Variants in KCNJ3 observed in about 807,000 individuals in gnomAD.
The protein encoded by KCNJ3 is potassium inwardly rectifying channel subfamily J member 3.
KCNJ3 carries 4 observed loss-of-function variants against 39.2 expected under a neutral mutation model. The observed-to-expected ratio is 0.10, with a 90% CI of 0.05 to 0.23. KCNJ3 has a LOEUF of 0.23. Ranked by LOEUF, KCNJ3 falls within the 10% of genes least tolerant of loss-of-function variation. The pLI, the probability that KCNJ3 is intolerant of heterozygous loss-of-function variation, is 1.00. For missense variants in KCNJ3, 276 were observed against 634.9 expected, an observed-to-expected ratio of 0.43 and a Z score of 6.08; for synonymous variants, 230 against 237.4, an observed-to-expected ratio of 0.97 and a Z score of 0.29.
intron 1 of KCNJ3, among the ~76,000 whole-genome samples, chr2:154,701,621 G>T (rs1277798993): frequency 1.3e-5 from 2 of 152,034 alleles, no homozygotes; most frequent in Non-Finnish European, 2.9e-5. Context: ...GATGAAAGAT[G>T]TATAGTGTCG....
intron 2 of KCNJ3, among the ~76,000 whole-genome samples, chr2:154,732,068 A>G (rs1685457433): frequency 6.6e-6 from 1 of 152,106 alleles, no homozygotes; most frequent in African/African-American, 2.4e-5. Context: ...CTTGCCTCTT[A>G]TAAGTCGAAG....
At chr2:154,848,248 A>T (rs1427353579) in intron 2 of KCNJ3, among the ~76,000 whole-genome samples, 1 of 152,150 alleles carries the variant, frequency 6.6e-6, no homozygotes, top group Non-Finnish European at 1.5e-5. Context: ...TGAGTTCTGG[A>T]CTTAGCTTTG....
intron 2 of KCNJ3, among the ~76,000 whole-genome samples, chr2:154,826,923 T>C (rs1687282126): frequency 1.3e-5 from 2 of 152,206 alleles, no homozygotes; most frequent in Admixed American, 6.5e-5. Context: ...ACTAAGTGTG[T>C]ATAATTTGTA....
At chr2:154,747,253 C>T (rs763805001) in intron 2 of KCNJ3, among the ~76,000 whole-genome samples, 11 of 151,708 alleles carry the variant, frequency 7.3e-5, no homozygotes, top group Non-Finnish European at 1.5e-4. Flanking sequence ...TCCTTTTACT[C>T]GTATGTCAGT....
chr2:154,821,221 A>C (rs1687167438), intron 2 of KCNJ3, among the ~76,000 whole-genome samples: 1 of 152,106 alleles, frequency 6.6e-6, no homozygotes, highest in African/African-American at 2.4e-5. Context: ...TTTTTGCCCC[A>C]GATCTGGAAT....
chr2:154,727,609 A>AAAAAAG (rs1282835197), intron 2 of KCNJ3, among the ~76,000 whole-genome samples: 1 of 150,942 alleles, frequency 6.6e-6, no homozygotes, highest in African/African-American at 2.4e-5. Context: ...AAAAAAAAAA[A>AAAAAAG]AGAGAGAAAA....
In KCNJ3 at chr2:154,704,005, C is replaced by T. The variant is rs1684955213; in HGVS notation, c.702+4528C>T. 2.0e-5 allele frequency among the ~76,000 whole-genome samples: 3 copies of T among 152,036 alleles called. No homozygotes were observed. In the South Asian group the frequency reaches 6.2e-4, roughly 32 times the overall value. On this transcript the variant is annotated intron_variant, in intron 1 of 2. Transcript: ENST00000295101. ...GGTTGGTGAGTTCTTCAGGTAGATTCATTTTATCCTTAAAATTAGCACAGT... is the reference window on the plus strand; with the variant it reads ...GGTTGGTGAGTTCTTCAGGTAGATTTATTTTATCCTTAAAATTAGCACAGT...
intron 2 of KCNJ3, among the ~76,000 whole-genome samples, chr2:154,803,287 A>G (rs1439877645): frequency 6.6e-6 from 1 of 152,034 alleles, no homozygotes; most frequent in Non-Finnish European, 1.5e-5. Flanking sequence ...TCATAGATCT[A>G]AGAAATGTAA....
intron 2 of KCNJ3, among the ~76,000 whole-genome samples, chr2:154,767,367 G>T (rs909760335): frequency 6.6e-6 from 1 of 151,786 alleles, no homozygotes; most frequent in Non-Finnish European, 1.5e-5. Flanking sequence ...CCTGGTGTGC[G>T]ATGTTCCCCA....
At chr2:154,756,931 C>T (rs2961965) in intron 2 of KCNJ3, among the ~76,000 whole-genome samples, 40,096 of 151,852 alleles carry the variant, frequency 0.26, 6,599 homozygotes, top group South Asian at 0.44. Context: ...GACTGAAATA[C>T]ACTCTTGGAA....
In KCNJ3 at chr2:154,746,326, C is replaced by T. The variant is rs557022756; in HGVS notation, c.919+36507C>T. On this transcript the variant is annotated intron_variant, in intron 2 of 2. Coordinates refer to ENST00000295101, the MANE Select transcript of KCNJ3 (RefSeq NM_002239.4). ...AAAGTTGTATGTAAACTTGTGCCTGCATGGTAAGTTGGCACCCCTAGCCCC... is the reference window on the plus strand; with the variant it reads ...AAAGTTGTATGTAAACTTGTGCCTGTATGGTAAGTTGGCACCCCTAGCCCC... Among the ~76,000 whole-genome samples, 156 of 151,844 alleles carry T rather than the reference C, an allele frequency of 1.0e-3. 1 individual carries two copies. Among genetic ancestry groups the T allele is most frequent in the African/African-American group, 3.5e-3 (147 of 41,450 alleles).
In KCNJ3 at chr2:154,788,485, T is replaced by G. The variant is rs376213143; in HGVS notation, c.920-66242T>G. Among the ~76,000 whole-genome samples, 21 of 152,242 alleles carry G rather than the reference T, an allele frequency of 1.4e-4. No individual in the cohort carries two copies. The East Asian group carries it at 2.1e-3, about 15-fold the overall frequency. On this transcript the variant is annotated intron_variant, in intron 2 of 2. Coordinates refer to ENST00000295101, the MANE Select transcript of KCNJ3 (RefSeq NM_002239.4). ...TTTTTGAATTTTGCAGAAAAAGCAA[T>G]TTACTGGTTAGAATTTCCTTGTGTC...
At chr2:154,705,183 GGA>G (rs141537815) in intron 1 of KCNJ3, among the ~76,000 whole-genome samples, 1 of 152,144 alleles carries the variant, frequency 6.6e-6, no homozygotes, top group Non-Finnish European at 1.5e-5. Flanking sequence ...TAGAGAGACG[GGA>G]GAGAGAGAGG....
intron 2 of KCNJ3, among the ~76,000 whole-genome samples, chr2:154,750,953 A>G (rs2121085): frequency 0.41 from 62,157 of 151,752 alleles, 13,344 homozygotes; most frequent in East Asian, 0.67. Flanking sequence ...AGTTTTGCAT[A>G]TTATCATTGT....
chr2:154,801,538 T>C (rs1686817709), intron 2 of KCNJ3, among the ~76,000 whole-genome samples: 1 of 151,180 alleles, frequency 6.6e-6, no homozygotes, highest in Non-Finnish European at 1.5e-5. Context: ...TCTTTCCTTC[T>C]TTCTTTCTTT....
chr2:154,729,287 T>G (rs1429698671), intron 2 of KCNJ3, among the ~76,000 whole-genome samples: 1 of 152,196 alleles, frequency 6.6e-6, no homozygotes, highest in African/African-American at 2.4e-5. Flanking sequence ...ACATCCAAAA[T>G]TTATATGTTT....
At chr2:154,752,323 C>A (rs1184680939) in intron 2 of KCNJ3, among the ~76,000 whole-genome samples, 1 of 151,840 alleles carries the variant, frequency 6.6e-6, no homozygotes, top group African/African-American at 2.4e-5. Flanking sequence ...GGAAAAAAAT[C>A]AAATCCATTC....
At chr2:154,706,245 C>T (rs80029090) in intron 1 of KCNJ3, among the ~76,000 whole-genome samples, 6,697 of 151,962 alleles carry the variant, frequency 0.044, 188 homozygotes, top group Non-Finnish European at 0.048. Context: ...TATGTTTTCT[C>T]GGGAATTAGA....
At chr2:154,713,323 T>G (rs963822488) in intron 2 of KCNJ3, among the ~76,000 whole-genome samples, 1 of 152,042 alleles carries the variant, frequency 6.6e-6, no homozygotes, top group African/African-American at 2.4e-5. Context: ...TGCACAAAAT[T>G]TTAGACAGCT....
Sources: allele counts gnomAD v4.1 joint callset (sites outside exome capture counted in the v4.1 genomes callset), GRCh38; gene constraint gnomAD v4.1.1; transcripts MANE v1.5; gene names NCBI Gene and HGNC (gene_info 2026-07-23, HGNC 2026-07-21).